Variants in PIAS2 observed in about 807,000 individuals in gnomAD.
PIAS2 encodes protein inhibitor of activated STAT 2.
PIAS2 carries 19 observed loss-of-function variants against 69.7 expected under a neutral mutation model. The ratio of observed to expected loss-of-function variants is 0.27; its 90% CI spans 0.19 to 0.40. The LOEUF (loss-of-function observed/expected upper bound fraction) is 0.40. Among genes scored for constraint, PIAS2 ranks in the 10% least tolerant of loss-of-function variants. The pLI is 1.00. For synonymous variants in PIAS2, 261 were observed against 263.2 expected (o/e 0.99, Z 0.08); for missense variants, 624 against 757.0 (o/e 0.82, Z 2.06).
At position 46,890,701 on chromosome 18, in the gene PIAS2, A is replaced by G. The variant is rs2053945105; in HGVS notation, c.378T>C (p.Thr126=). The G allele has an allele frequency of 1.2e-6, 2 of 1,614,018 alleles. No individual in the cohort carries two copies. Among genetic ancestry groups the G allele is most frequent in the African/African-American group, 1.3e-5 (1 of 74,942 alleles). The change falls in exon 2 of 14, where the codon ACT becomes ACC. Residue 126 remains threonine, a synonymous_variant. Transcript: ENST00000585916. ...GCTGCTGCATCTCAAATGTGGGCTT[A>G]GTATCTTGAAGCAGCACAGAACCAA... ...SPVGSVLLQD[T]KPTFEMQQPS... is the part of the protein sequence containing the mutation.
intron 1 of PIAS2, among the ~76,000 whole-genome samples, chr18:46,908,164 T>TG (rs1483756770): frequency 1.3e-5 from 2 of 152,116 alleles, no homozygotes; most frequent in Non-Finnish European, 2.9e-5. Flanking sequence ...TACACAGAGA[T>TG]GGGGTCTCAC....
chr18:46,806,353 C>CTATTTTT lies in PIAS2; in HGVS notation c.*6079_*6080insAAAAATA, dbSNP rs1555705789. 1 of 60,176 alleles carries CTATTTTT rather than the reference C, an allele frequency of 1.7e-5. No homozygotes were observed. The highest frequency in any genetic ancestry group is 2.4e-4 in the Admixed American group (1 of 4,176). The allele number at this position is 60,176 out of a possible 1,614,324, so 3.7% of individuals were successfully genotyped here. A position where few individuals can be genotyped will look rare whatever the true frequency, so the allele number is the denominator to read the frequency against. ...AAAATTCTTTGCACAATGCCTGTTA[C>CTATTTTT]TTTTTTTTTTTTTTTTTTTTTTTTT... On this transcript the variant is annotated 3_prime_UTR_variant, in exon 14 of 14. Transcript: ENST00000585916.
At chr18:46,868,804 T>C (rs1282031371) in intron 2 of PIAS2, among the ~76,000 whole-genome samples, 1 of 152,182 alleles carries the variant, frequency 6.6e-6, no homozygotes, top group Non-Finnish European at 1.5e-5. Flanking sequence ...ATTGCCTTTC[T>C]CATCCAGGAA....
chr18:46,856,923 C>T (rs1290134167), intron 3 of PIAS2, among the ~76,000 whole-genome samples: 1 of 152,180 alleles, frequency 6.6e-6, no homozygotes, highest in East Asian at 1.9e-4. Flanking sequence ...TTCTACAGTC[C>T]CAAGCTGCAC....
At position 46,807,352 on chromosome 18, in the gene PIAS2, A is replaced by ATT. The variant is rs1355034697; in HGVS notation, c.*5079_*5080dup. ...CGTAGGTGTTTCTGAAACATGTCAG[A>ATT]TTTTATATATATATATATATATATA... On this transcript the variant is annotated 3_prime_UTR_variant, in exon 14 of 14. Coordinates refer to ENST00000585916, the MANE Select transcript of PIAS2 (RefSeq NM_004671.5). 4.6e-5 allele frequency: 3 copies of ATT among 65,660 alleles called. No homozygotes were observed. The highest frequency in any genetic ancestry group is 1.5e-4 in the Admixed American group (1 of 6,734). The allele number at this position is 65,660 out of a possible 1,614,324, so 4.1% of individuals were successfully genotyped here. A position where few individuals can be genotyped will look rare whatever the true frequency, so the allele number is the denominator to read the frequency against.
intron 10 of PIAS2, 27 bp from the exon 11 acceptor site, chr18:46,828,157 A>C: frequency 6.3e-7 from 1 of 1,576,658 alleles, no homozygotes; most frequent in Non-Finnish European, 8.6e-7. Context: ...AAAAGGAAAA[A>C]AAAATTAAAG....
At chr18:46,910,159 AAAAT>A (rs891806142) in intron 1 of PIAS2, among the ~76,000 whole-genome samples, 2 of 152,090 alleles carry the variant, frequency 1.3e-5, no homozygotes, top group African/African-American at 2.4e-5. Flanking sequence ...TCCGTCTCAA[AAAAT>A]AAATAAATAA....
intron 1 of PIAS2, chr18:46,901,334 G>C: frequency 3.7e-6 from 1 of 271,294 alleles, no homozygotes; most frequent in South Asian, 3.3e-5. Context: ...GCTTGAACCT[G>C]GGAGGCGGAC....
At chr18:46,826,066 T>C (rs1389822893) in intron 11 of PIAS2, among the ~76,000 whole-genome samples, 1 of 152,236 alleles carries the variant, frequency 6.6e-6, no homozygotes, top group Non-Finnish European at 1.5e-5. Flanking sequence ...AAGGGCTACA[T>C]CAGCTTCATG....
At chr18:46,817,322 A>C in intron 12 of PIAS2, 4 of 983,216 alleles carry the variant, frequency 4.1e-6, no homozygotes, top group Non-Finnish European at 4.8e-6. Flanking sequence ...CTAAATGTTC[A>C]ACTATTTCAA....
chr18:46,904,421 AT>A (rs2056311820), intron 1 of PIAS2, among the ~76,000 whole-genome samples: 1 of 152,128 alleles, frequency 6.6e-6, no homozygotes, highest in Non-Finnish European at 1.5e-5. Context: ...GTGAGGAGAA[AT>A]TTTTTAAATT....
intron 2 of PIAS2, among the ~76,000 whole-genome samples, chr18:46,881,210 C>T (rs1446232657): frequency 1.3e-5 from 2 of 152,136 alleles, no homozygotes; most frequent in Non-Finnish European, 2.9e-5. Context: ...TCACCAACGT[C>T]CTATCTCTGA....
Position 46,906,775 on chromosome 18 carries a change from G to GT in PIAS2, c.24+10546_24+10547insA, listed in dbSNP as rs1568881939. On this transcript the variant is annotated intron_variant, in intron 1 of 13. Coordinates refer to ENST00000585916, the MANE Select transcript of PIAS2 (RefSeq NM_004671.5). The stretch of plus-strand genomic sequence containing the variant: ...CCAACAAGATGTATGTGTGTGTGTG[G>GT]GGGGGGGGGGAGGTGTATAACATGA... 3.3e-3 allele frequency among the ~76,000 whole-genome samples: 253 copies of GT among 76,234 alleles called. 1 individual carries two copies. The highest frequency in any genetic ancestry group is 0.015 in the Middle Eastern group (2 of 134). The allele number at this position is 76,234 out of a possible 152,430, so 50.0% of individuals were successfully genotyped here. A position where few individuals can be genotyped will look rare whatever the true frequency, so the allele number is the denominator to read the frequency against.
At chr18:46,868,032 G>A (rs1428067320) in intron 2 of PIAS2, among the ~76,000 whole-genome samples, 3 of 152,180 alleles carry the variant, frequency 2.0e-5, no homozygotes, top group Admixed American at 1.3e-4. Flanking sequence ...TGGCATAGCT[G>A]CCAAACATAT....
Position 46,869,863 on chromosome 18 carries a change from T to C in PIAS2, c.500-5615A>G, listed in dbSNP as rs186591817. Reference sequence around the variant, plus strand: ...TCCCATCTCCCAGGAGGAAATAGATTATGCCCTGTATTGGCAGCAGGGACC... The same window carrying C: ...TCCCATCTCCCAGGAGGAAATAGATCATGCCCTGTATTGGCAGCAGGGACC... On this transcript the variant is annotated intron_variant, in intron 2 of 13. Coordinates refer to ENST00000585916, the MANE Select transcript of PIAS2 (RefSeq NM_004671.5). Among the ~76,000 whole-genome samples the C allele has an allele frequency of 8.1e-4, 123 of 152,290 alleles. 3 individuals are homozygous for C. The highest frequency in any genetic ancestry group is 5.2e-3 in the Admixed American group (79 of 15,308).
At chr18:46,902,543 A>G (rs2056037463) in intron 1 of PIAS2, among the ~76,000 whole-genome samples, 1 of 152,090 alleles carries the variant, frequency 6.6e-6, no homozygotes, top group South Asian at 2.1e-4. Flanking sequence ...CTGGGCAACA[A>G]AAGTAAAACT....
intron 1 of PIAS2, among the ~76,000 whole-genome samples, chr18:46,897,366 A>ATAGCTTG (rs1463103610): frequency 1.3e-5 from 2 of 152,240 alleles, no homozygotes; most frequent in Non-Finnish European, 2.9e-5. Flanking sequence ...GCTATCAAAG[A>ATAGCTTG]TCACGGGGCC....
At chr18:46,910,701 T>A (rs1375972490) in intron 1 of PIAS2, among the ~76,000 whole-genome samples, 1 of 152,222 alleles carries the variant, frequency 6.6e-6, no homozygotes, top group Non-Finnish European at 1.5e-5. Flanking sequence ...ATCCCGTAGA[T>A]CGTAGACTAC....
At chr18:46,857,433 A>G (rs1053682963) in intron 3 of PIAS2, among the ~76,000 whole-genome samples, 10 of 152,246 alleles carry the variant, frequency 6.6e-5, no homozygotes, top group Non-Finnish European at 8.8e-5. Flanking sequence ...CAAGGTCATT[A>G]TCACAATTAG....
Sources: gnomAD v4.1 joint callset for allele counts (sites outside exome capture counted in the v4.1 genomes callset) on GRCh38, gnomAD v4.1.1 for gene constraint, MANE v1.5 for transcripts, NCBI Gene and HGNC (gene_info 2026-07-23, HGNC 2026-07-21) for gene names.